MTAP: variants seen among roughly 807,000 people sequenced by gnomAD.
The protein encoded by MTAP is S-methyl-5'-thioadenosine phosphorylase.
Under a neutral mutation model 33.6 loss-of-function variants are expected in MTAP, and 33 were observed. The ratio of observed to expected loss-of-function variants is 0.98; its 90% CI spans 0.74 to 1.31. The LOEUF is 1.31. Ranked by LOEUF, MTAP falls within the 40% of genes most tolerant of loss-of-function variation. MTAP has a pLI of 0.00. For missense variants in MTAP, 367 were observed against 360.0 expected (o/e 1.02, Z -0.16); for synonymous variants, 148 against 125.7 (o/e 1.18, Z -1.19).
chr9:21,856,108 T>G (rs1725703067), intron 6 of MTAP: 1 of 970,020 alleles, frequency 1.0e-6, no homozygotes, highest in South Asian at 4.8e-5. Flanking sequence ...GTTACTTGAA[T>G]AAACTAGATC....
At position 21,862,259 on chromosome 9, in the gene MTAP, G is replaced by T; in HGVS notation, c.*245G>T. 1.0e-6 allele frequency: 1 copy of T among 981,688 alleles called. No homozygotes were observed. The allele number at this position is 981,688 out of a possible 1,614,324, so 60.8% of individuals were successfully genotyped here. On this transcript the variant is annotated 3_prime_UTR_variant, in exon 8 of 8. Transcript: ENST00000644715. ...TGTGGGAAAAAATATTACATTTTAAGGGGGAAAAAAAAACCCACCATTCTC... is the reference window on the plus strand; with the variant it reads ...TGTGGGAAAAAATATTACATTTTAATGGGGAAAAAAAAACCCACCATTCTC...
Position 21,924,305 on chromosome 9 carries a change from A to G in MTAP, c.148-6703A>G, listed in dbSNP as rs569755629. 2.6e-5 allele frequency among the ~76,000 whole-genome samples: 4 copies of G among 152,278 alleles called. No homozygotes were observed. In the South Asian group the frequency reaches 8.3e-4, roughly 32 times the overall value. On this transcript the variant is annotated intron_variant, in intron 1 of 1. Transcript: ENST00000577563. Reference sequence around the variant, plus strand: ...CCCTACTACAGTACAAACCCTTTGGATGCATCCTCAAGAACTGAAAGTTTG... The same window carrying G: ...CCCTACTACAGTACAAACCCTTTGGGTGCATCCTCAAGAACTGAAAGTTTG...
intron 7 of MTAP, chr9:21,860,354 C>A (rs913414998): frequency 6.6e-6 from 1 of 152,230 alleles, no homozygotes; most frequent in Non-Finnish European, 1.5e-5. Flanking sequence ...AGAAGTGATA[C>A]ACACAGCTCT....
At chr9:21,858,178 T>A (rs1265565786) in intron 6 of MTAP, among the ~76,000 whole-genome samples, 1 of 152,198 alleles carries the variant, frequency 6.6e-6, no homozygotes, top group East Asian at 1.9e-4. Flanking sequence ...GAAACGTACC[T>A]GTTTGGTTTT....
intron 1 of MTAP, among the ~76,000 whole-genome samples, chr9:21,916,089 AAGG>A (rs1487312241): frequency 1.4e-5 from 2 of 147,082 alleles, no homozygotes; most frequent in East Asian, 2.0e-4. Context: ...GAAAGGAAGG[AAGG>A]AAGGAAGGAA....
At chr9:21,874,528 G>C in intron 1 of MTAP, among the ~76,000 whole-genome samples, 1 of 152,054 alleles carries the variant, frequency 6.6e-6, no homozygotes, top group East Asian at 1.9e-4. Flanking sequence ...GTTGCTGTAT[G>C]TTCATGGACC....
chr9:21,851,828 A>G (rs973850739), intron 5 of MTAP, among the ~76,000 whole-genome samples: 2 of 152,144 alleles, frequency 1.3e-5, no homozygotes, highest in Non-Finnish European at 2.9e-5. Context: ...TAAAAGAGAG[A>G]CTAGCCTAGT....
intron 1 of MTAP, among the ~76,000 whole-genome samples, chr9:21,815,095 C>T (rs751555388): frequency 6.6e-6 from 1 of 152,174 alleles, no homozygotes. Flanking sequence ...ACCATACTTG[C>T]CTACTTTTAG....
In MTAP at chr9:21,802,678, C is replaced by T. The variant is rs535739922; in HGVS notation, c.-71C>T. The T allele has an allele frequency of 8.2e-6, 13 of 1,586,070 alleles. No homozygotes were observed. Among genetic ancestry groups the T allele is most frequent in the East Asian group, 4.5e-5 (2 of 44,144 alleles). On this transcript the variant is annotated 5_prime_UTR_variant, in exon 1 of 8. Coordinates refer to ENST00000644715, the MANE Select transcript of MTAP (RefSeq NM_002451.4). ...CCGCGCAGTGAGGTTGGCACAGCCA[C>T]CGCTCTGTGGCTCGCTTGGTTCCCT...
At chr9:21,869,882 A>G (rs1456956859), downstream of MTAP, among the ~76,000 whole-genome samples, 2 of 146,444 alleles carry the variant, frequency 1.4e-5, no homozygotes, top group Non-Finnish European at 3.0e-5. Context: ...ATGCTATTTC[A>G]CTTGTATTAA....
chr9:21,861,899 ATC>A (rs1825761963), intron 7 of MTAP, 75 bp from the exon 8 acceptor site: 1 of 924,322 alleles, frequency 1.1e-6, no homozygotes, highest in South Asian at 1.4e-5. Flanking sequence ...GAAAATCAAA[ATC>A]TGTTTTTTTT....
At chr9:21,850,914 G>C (rs1825495435) in intron 5 of MTAP, among the ~76,000 whole-genome samples, 1 of 152,176 alleles carries the variant, frequency 6.6e-6, no homozygotes, top group East Asian at 1.9e-4. Context: ...TTGCCACCTG[G>C]ACACTTTGGG....
At position 21,859,297 on chromosome 9, in the gene MTAP, C is replaced by G. The variant is rs1241304786; in HGVS notation, c.691-6C>G. On this transcript the variant is annotated splice_region_variant and splice_polypyrimidine_tract_variant and intron_variant, in intron 6 of 7. Transcript: ENST00000644715. ...CTAGTAACCTCCAGTGCTATTGTTTCTCTAGGTTTCGGTGGACCGGGTCTT... is the reference window on the plus strand; with the variant it reads ...CTAGTAACCTCCAGTGCTATTGTTTGTCTAGGTTTCGGTGGACCGGGTCTT... 6.2e-7 allele frequency: 1 copy of G among 1,603,794 alleles called. No homozygotes were observed. The highest frequency in any genetic ancestry group is 1.8e-5 in the Admixed American group (1 of 56,956).
At chr9:21,918,289 G>A (rs1240296935) in intron 1 of MTAP, among the ~76,000 whole-genome samples, 1 of 118,372 alleles carries the variant, frequency 8.4e-6, no homozygotes, top group Non-Finnish European at 1.6e-5. Context: ...GGCGGAGCTT[G>A]CAGTGAGCAG....
downstream of MTAP, among the ~76,000 whole-genome samples, chr9:21,940,200 G>A (rs180937566): frequency 3.2e-4 from 49 of 152,292 alleles, no homozygotes; most frequent in Admixed American, 2.6e-4. Context: ...CAAGTCCTTG[G>A]CTTGCCTTCC....
At chr9:21,881,283 A>T (rs7021446) in intron 1 of MTAP, among the ~76,000 whole-genome samples, 44 of 152,202 alleles carry the variant, frequency 2.9e-4, no homozygotes, top group African/African-American at 1.0e-3. Flanking sequence ...TAAACACAAG[A>T]CCAACAACCA....
At chr9:21,820,834 C>T (rs975861638) in intron 4 of MTAP, among the ~76,000 whole-genome samples, 12 of 152,136 alleles carry the variant, frequency 7.9e-5, no homozygotes, top group African/African-American at 2.9e-4. Flanking sequence ...TTGAAGAGGT[C>T]CTTCACAACC....
chr9:21,928,659 T>C (rs1049906836), intron 1 of MTAP, among the ~76,000 whole-genome samples: 2 of 152,052 alleles, frequency 1.3e-5, no homozygotes, highest in African/African-American at 4.8e-5. Flanking sequence ...AGGCATGAAG[T>C]GGTACCCTCA....
At chr9:21,861,880 T>A (rs1825761493) in intron 7 of MTAP, 96 bp from the exon 8 acceptor site, 2 of 847,912 alleles carry the variant, frequency 2.4e-6, no homozygotes, top group Non-Finnish European at 4.0e-6. Context: ...GCGTCCTCAC[T>A]TTGATCTAGA....
Sources: allele counts gnomAD v4.1 joint callset (sites outside exome capture counted in the v4.1 genomes callset), GRCh38; gene constraint gnomAD v4.1.1; transcripts MANE v1.5; gene names NCBI Gene and HGNC (gene_info 2026-07-23, HGNC 2026-07-21).